SYNE1: variants seen among roughly 807,000 people sequenced by gnomAD.
SYNE1 encodes spectrin repeat containing nuclear envelope protein 1.
SYNE1 carries 616 observed loss-of-function variants against 1,111.0 expected under a neutral mutation model. The ratio of observed to expected loss-of-function variants is 0.55; its 90% CI spans 0.52 to 0.59. The LOEUF (loss-of-function observed/expected upper bound fraction) is 0.59. Among genes scored for constraint, SYNE1 ranks in the 20% least tolerant of loss-of-function variants. The probability of loss-of-function intolerance (pLI) is 0.00; values close to 1 mark genes in which losing one functional copy is unlikely to be tolerated. For missense variants in SYNE1, 10,006 were observed against 10,417.0 expected, an observed-to-expected ratio of 0.96 and a Z score of 1.72; for synonymous variants, 3,855 against 3,825.8, an observed-to-expected ratio of 1.01 and a Z score of -0.28.
chr6:152,472,131 A>T (rs564491725), intron 15 of SYNE1, 170 bp downstream of exon 15: 5 of 637,294 alleles, frequency 7.8e-6, no homozygotes, highest in Non-Finnish European at 1.4e-5. Context: ...TTCAGTTAAT[A>T]ATACATTAGA....
intron 50 of SYNE1, among the ~76,000 whole-genome samples, chr6:152,396,059 A>T (rs955664649): frequency 6.6e-6 from 1 of 152,164 alleles, no homozygotes; most frequent in African/African-American, 2.4e-5. Context: ...ACAAGATTAC[A>T]TTCTCATGTC....
chr6:152,180,400 C>T (rs776902698), intron 128 of SYNE1, 106 bp from the exon 129 acceptor site: 35 of 1,113,010 alleles, frequency 3.1e-5, no homozygotes, highest in Non-Finnish European at 4.5e-5. Flanking sequence ...GATAGTCATA[C>T]ATCTTTTTAG....
At chr6:152,233,630 T>A (rs1165283175) in intron 112 of SYNE1, 151 bp downstream of exon 112, 7 of 1,008,866 alleles carry the variant, frequency 6.9e-6, no homozygotes, top group African/African-American at 6.4e-5. Context: ...CGGCCAGAGT[T>A]CACTCTTAAT....
At chr6:152,561,020 A>T (rs2099393517) in intron 3 of SYNE1, among the ~76,000 whole-genome samples, 1 of 152,016 alleles carries the variant, frequency 6.6e-6, no homozygotes, top group Non-Finnish European at 1.5e-5. Flanking sequence ...AAGGCTGCCC[A>T]CTCTCACAGA....
intron 47 of SYNE1, among the ~76,000 whole-genome samples, chr6:152,400,144 G>A (rs544709764): frequency 1.3e-5 from 2 of 151,884 alleles, no homozygotes; most frequent in African/African-American, 2.4e-5. Flanking sequence ...AGAGACCATC[G>A]CAGTTCACAT....
chr6:152,168,457 C>T (rs962973908), intron 130 of SYNE1: 2 of 473,104 alleles, frequency 4.2e-6, no homozygotes, highest in African/African-American at 1.9e-5. Flanking sequence ...GGGGAAAAAG[C>T]TCAGTGTAAT....
At chr6:152,537,374 AAC>A (rs2099248467) in intron 4 of SYNE1, among the ~76,000 whole-genome samples, 1 of 152,098 alleles carries the variant, frequency 6.6e-6, no homozygotes, top group South Asian at 2.1e-4. Context: ...TAAAAACACA[AAC>A]ACAGAAAATC....
Position 152,208,061 on chromosome 6 carries a change from A to C in SYNE1, c.22735T>G (p.Leu7579Val). 6.2e-7 allele frequency: 1 copy of C among 1,613,838 alleles called. No homozygotes were observed. Among genetic ancestry groups the C allele is most frequent in the African/African-American group, 1.3e-5 (1 of 74,922 alleles). The change falls in exon 125 of 146, where the codon TTG (leucine) becomes GTG (valine). Residue 7579 changes from leucine (L) to valine (V), a missense_variant. By Grantham distance (32) the Leu-to-Val change is conservative. Coordinates refer to ENST00000367255, the MANE Select transcript of SYNE1 (RefSeq NM_182961.4). ...REMAEKLRKW[L>V]VEVSYLPMSG... ...ATGGGGAGGTAGGACACTTCAACCA[A>C]CCATTTACGAAGCTTTTCTGCCATC...
At chr6:152,409,784 G>C in intron 42 of SYNE1, 75 bp from the exon 43 acceptor site, 2 of 1,477,112 alleles carry the variant, frequency 1.4e-6, no homozygotes, top group Non-Finnish European at 9.4e-7. Flanking sequence ...AATTGGACTT[G>C]ATGTTTCACT....
At chr6:152,428,429 G>C (rs762111693) in intron 36 of SYNE1, 37 bp from the exon 37 acceptor site, 1 of 1,609,962 alleles carries the variant, frequency 6.2e-7, no homozygotes, top group Non-Finnish European at 8.5e-7. Context: ...TGAAAGCACA[G>C]GAGCCAACGA....
At position 152,365,059 on chromosome 6, in the gene SYNE1, T is replaced by C. The variant is rs1479003949; in HGVS notation, c.9973-40A>G. ...ACAGAAGTCCTTTGTCATTTGTATG[T>C]TTAACATTGCTGGCTTTAAATATTG... On this transcript the variant is annotated intron_variant, in intron 62 of 145. Transcript: ENST00000367255. 3.1e-6 allele frequency: 5 copies of C among 1,610,678 alleles called. No individual in the cohort carries two copies. In the Admixed American group the frequency reaches 5.0e-5, roughly 16 times the overall value.
chr6:152,284,487 C>T (rs1258729281), intron 95 of SYNE1, among the ~76,000 whole-genome samples: 1 of 151,992 alleles, frequency 6.6e-6, no homozygotes, highest in Non-Finnish European at 1.5e-5. Flanking sequence ...GAGACAGAGT[C>T]TCACTCTGTC....
chr6:152,151,547 T>G lies in SYNE1; in HGVS notation c.24450+6A>C. 1 of 1,613,860 alleles carries G rather than the reference T, an allele frequency of 6.2e-7. No individual in the cohort carries two copies. Among genetic ancestry groups the G allele is most frequent in the South Asian group, 1.1e-5 (1 of 90,916 alleles). Reference sequence around the variant, plus strand: ...CACTTTGGTAACTTGAAAAATAATCTATTACCTTGAGTTGCTTTATTTTAG... The same window carrying G: ...CACTTTGGTAACTTGAAAAATAATCGATTACCTTGAGTTGCTTTATTTTAG... On this transcript the variant is annotated splice_donor_region_variant and intron_variant, in intron 135 of 145. Transcript: ENST00000367255.
chr6:152,330,891 A>T lies in SYNE1; in HGVS notation c.13794T>A (p.Leu4598=), dbSNP rs1231086704. The T allele has an allele frequency of 6.2e-7, 1 of 1,613,968 alleles. No individual in the cohort carries two copies. Among genetic ancestry groups the T allele is most frequent in the Non-Finnish European group, 8.5e-7 (1 of 1,179,962 alleles). The part of the protein sequence containing the change: ...EINLMNESSE[L]HTQLAKYQNI... ...TTTGGTATTTAGCCAGTTGTGTATG[A>T]AGCTCAGAACTCTCATTCATTAGGT... The change falls in exon 78 of 146, where the codon CTT becomes CTA. Residue 4598 remains leucine, a synonymous_variant. Transcript: ENST00000367255.
intron 51 of SYNE1, among the ~76,000 whole-genome samples, chr6:152,395,096 TC>T (rs67906321): frequency 0.15 from 21,890 of 149,884 alleles, 1,703 homozygotes; most frequent in East Asian, 0.35. Flanking sequence ...ACTCTTTTTT[TC>T]TTTTTTTTAT....
rs757071057 is a variant in SYNE1, at chr6:152,396,760, G to A, written c.7556+15C>T. On this transcript the variant is annotated intron_variant, in intron 50 of 145. Coordinates refer to ENST00000367255, the MANE Select transcript of SYNE1 (RefSeq NM_182961.4). ...TTGGTGTATGATGAAATCTATGTTT[G>A]TTAAACTAACCTACCTTCCAAGTTC... is the stretch of plus-strand genomic sequence containing the variant. The A allele has an allele frequency of 1.1e-5, 17 of 1,612,186 alleles. No individual in the cohort carries two copies. In the Admixed American group the frequency reaches 2.8e-4, roughly 27 times the overall value.
In SYNE1 at chr6:152,465,679, C is replaced by A. The variant is rs7763343; in HGVS notation, c.1730-219G>T. Reference sequence around the variant, plus strand: ...ATTTCTCATTTACTTGATTGGTAATCCTTAACGTATTCTATGCTTTTGCCT... The same window carrying A: ...ATTTCTCATTTACTTGATTGGTAATACTTAACGTATTCTATGCTTTTGCCT... On this transcript the variant is annotated intron_variant, in intron 17 of 145. Coordinates refer to ENST00000367255, the MANE Select transcript of SYNE1 (RefSeq NM_182961.4). Among the ~76,000 whole-genome samples the A allele has an allele frequency of 0.52, 78,771 of 151,546 alleles. 22,220 individuals are homozygous for A. Among genetic ancestry groups the A allele is most frequent in the East Asian group, 0.76 (3,900 of 5,144 alleles).
At chr6:152,519,487 T>C (rs1357995029) in intron 6 of SYNE1, among the ~76,000 whole-genome samples, 1 of 152,126 alleles carries the variant, frequency 6.6e-6, no homozygotes, top group African/African-American at 2.4e-5. Flanking sequence ...TAACAATGAG[T>C]ATAATGATGA....
rs145506127 is a variant in SYNE1 at position 152,186,134 on chromosome 6, C to T, written c.23301+3118G>A. On this transcript the variant is annotated intron_variant, in intron 128 of 145. Coordinates refer to ENST00000367255, the MANE Select transcript of SYNE1 (RefSeq NM_182961.4). ...TCACAAACATTGAAAAGAATAATAA[C>T]ACAATGCCACATAATGGCACAACCA... 1.6e-3 allele frequency among the ~76,000 whole-genome samples: 250 copies of T among 152,192 alleles called. 2 individuals carry two copies. Among genetic ancestry groups the T allele is most frequent in the Non-Finnish European group, 2.6e-4 (18 of 68,008 alleles).
Sources: gnomAD v4.1 joint callset for allele counts (sites outside exome capture counted in the v4.1 genomes callset) on GRCh38, gnomAD v4.1.1 for gene constraint, MANE v1.5 for transcripts, NCBI Gene and HGNC (gene_info 2026-07-23, HGNC 2026-07-21) for gene names.